JAZF1: variants seen among roughly 807,000 people sequenced by gnomAD.
JAZF1 encodes the protein JAZF zinc finger 1, also known as juxtaposed with another zinc finger protein 1.
Under a neutral mutation model 26.4 loss-of-function variants are expected in JAZF1, and 8 were observed. That is an observed-to-expected ratio of 0.30 (90% CI 0.18 to 0.55). The LOEUF (loss-of-function observed/expected upper bound fraction) is 0.55, where lower values mean the gene tolerates loss of function less well. Ranked by LOEUF, JAZF1 falls within the 20% of genes least tolerant of loss-of-function variation. The pLI is 0.94. For missense variants in JAZF1, 199 were observed against 322.0 expected, an observed-to-expected ratio of 0.62 and a Z score of 2.92; for synonymous variants, 126 against 122.3, an observed-to-expected ratio of 1.03 and a Z score of -0.20.
intron 1 of JAZF1, among the ~76,000 whole-genome samples, chr7:28,100,370 A>C (rs1784454449): frequency 6.6e-6 from 1 of 152,118 alleles, no homozygotes; most frequent in African/African-American, 2.4e-5. Flanking sequence ...AATCCAAATC[A>C]AAAAAGTTTT....
At chr7:28,038,663 C>A (rs775345560) in intron 1 of JAZF1, among the ~76,000 whole-genome samples, 36 of 152,160 alleles carry the variant, frequency 2.4e-4, no homozygotes, top group Non-Finnish European at 4.9e-4. Context: ...CATGCACACA[C>A]CCCATAACTC....
intron 1 of JAZF1, among the ~76,000 whole-genome samples, chr7:28,044,627 A>T (rs936887419): frequency 6.6e-6 from 1 of 152,192 alleles, no homozygotes; most frequent in African/African-American, 2.4e-5. Context: ...AGGAAAAAAA[A>T]ATCCCACAAA....
At chr7:28,015,531 T>G (rs868041108) in intron 1 of JAZF1, among the ~76,000 whole-genome samples, 4 of 152,214 alleles carry the variant, frequency 2.6e-5, no homozygotes, top group Non-Finnish European at 2.9e-5. Context: ...GAACAGATGC[T>G]CTGAGATACA....
intron 1 of JAZF1, among the ~76,000 whole-genome samples, chr7:27,996,305 G>A (rs1380705816): frequency 6.6e-6 from 1 of 152,208 alleles, no homozygotes; most frequent in Non-Finnish European, 1.5e-5. Context: ...CTATTCGCAG[G>A]CTGGGAGGTA....
In JAZF1 at chr7:28,139,386, G is replaced by T. The variant is rs113399513; in HGVS notation, c.115+41077C>A. 1.6e-3 allele frequency among the ~76,000 whole-genome samples: 244 copies of T among 152,288 alleles called. 2 individuals carry two copies. Among genetic ancestry groups the T allele is most frequent in the African/African-American group, 5.8e-3 (240 of 41,546 alleles). ...CAAAATGTATTTCATTTGGAAAAAG[G>T]GTCATTGCAGATATAATTAGTTAAG... On this transcript the variant is annotated intron_variant, in intron 1 of 4. Transcript: ENST00000283928.
At chr7:28,011,280 T>C (rs1782793690) in intron 1 of JAZF1, among the ~76,000 whole-genome samples, 1 of 152,236 alleles carries the variant, frequency 6.6e-6, no homozygotes, top group African/African-American at 2.4e-5. Flanking sequence ...TTATAGTCTC[T>C]TGAAAGTTTA....
At chr7:28,157,483 G>A (rs190068236) in intron 1 of JAZF1, among the ~76,000 whole-genome samples, 58 of 152,344 alleles carry the variant, frequency 3.8e-4, no homozygotes, top group Admixed American at 2.6e-4. Context: ...AATCTGAGTT[G>A]CAAATAATTT....
intron 2 of JAZF1, among the ~76,000 whole-genome samples, chr7:27,917,052 A>C (rs766058377): frequency 1.3e-5 from 2 of 152,246 alleles, no homozygotes; most frequent in Non-Finnish European, 2.9e-5. Context: ...CAGCCTGGGC[A>C]ACAGAGTGAG....
chr7:27,895,271 C>T lies in JAZF1; in HGVS notation c.334G>A (p.Val112Met), dbSNP rs368851837. ...GAGGAGGGGGTGATGGGTGGGGTCA[C>T]GGGGGGAGTAAGGCTTCCACTGCTG... The part of the protein sequence containing the change: ...RHSSGSLTPP[V>M]TPPITPSSSF... Residue 112 changes from valine to methionine, a missense_variant, in exon 3 of 5, where the codon GTG (valine) becomes ATG (methionine). This residue lies in a region of JAZF1 where 137 missense variants were observed against 184.8 expected (regional missense o/e 0.74). Coordinates refer to ENST00000283928, the MANE Select transcript of JAZF1 (RefSeq NM_175061.4). The T allele has an allele frequency of 2.5e-6, 4 of 1,608,092 alleles. No individual in the cohort carries two copies. Among genetic ancestry groups the T allele is most frequent in the African/African-American group, 1.3e-5 (1 of 74,592 alleles).
chr7:27,971,318 C>G (rs1785372290), intron 2 of JAZF1, among the ~76,000 whole-genome samples: 1 of 152,152 alleles, frequency 6.6e-6, no homozygotes. Context: ...TGAGTCCACG[C>G]TGGCTGAGGA....
intron 1 of JAZF1, among the ~76,000 whole-genome samples, chr7:28,136,994 C>T (rs529618472): frequency 1.3e-5 from 2 of 152,290 alleles, no homozygotes; most frequent in South Asian, 2.1e-4. Context: ...ATGCTTATGC[C>T]GTGCCAGACC....
At chr7:27,993,556 G>A (rs1020602299) in intron 1 of JAZF1, among the ~76,000 whole-genome samples, 2 of 152,180 alleles carry the variant, frequency 1.3e-5, no homozygotes, top group East Asian at 3.9e-4. Context: ...GTTCAACAAG[G>A]AAAGGTGTTT....
intron 1 of JAZF1, among the ~76,000 whole-genome samples, chr7:27,997,228 A>G (rs1293400084): frequency 6.6e-6 from 1 of 152,106 alleles, no homozygotes; most frequent in African/African-American, 2.4e-5. Flanking sequence ...CAAGTGAGGG[A>G]AGGTTCAGGC....
intron 1 of JAZF1, among the ~76,000 whole-genome samples, chr7:28,126,114 TA>T (rs1782689907): frequency 6.6e-6 from 1 of 152,176 alleles, no homozygotes; most frequent in South Asian, 2.1e-4. Flanking sequence ...AGGAAGGGGT[TA>T]GGGGTGGGAA....
In JAZF1 at chr7:27,990,291, G is replaced by C. The variant is rs184520345; in HGVS notation, c.188+1618C>G. On this transcript the variant is annotated intron_variant, in intron 2 of 4. Transcript: ENST00000283928. The stretch of plus-strand genomic sequence containing the variant: ...ACACACCAGAGCCTGTCGCGAGGTG[G>C]GGGGAGGTGAGAGGGATAGCATTAG... Among the ~76,000 whole-genome samples the C allele has an allele frequency of 1.5e-4, 23 of 152,248 alleles. 1 individual carries two copies. The South Asian group carries it at 3.3e-3, about 22-fold the overall frequency.
chr7:28,010,382 C>T (rs895448537), intron 1 of JAZF1, among the ~76,000 whole-genome samples: 6 of 152,198 alleles, frequency 3.9e-5, no homozygotes, highest in African/African-American at 1.4e-4. Flanking sequence ...ATCACCTCCC[C>T]TTCCCCTTCA....
intron 1 of JAZF1, among the ~76,000 whole-genome samples, chr7:28,039,055 A>G (rs1373900524): frequency 6.6e-6 from 1 of 152,208 alleles, no homozygotes; most frequent in Admixed American, 6.5e-5. Context: ...ATTAATAAAG[A>G]GTGGCAAATT....
At position 27,832,783 on chromosome 7, in the gene JAZF1, C is replaced by A; in HGVS notation, c.*17G>T. The A allele has an allele frequency of 6.9e-7, 1 of 1,458,244 alleles. No homozygotes were observed. Among genetic ancestry groups the A allele is most frequent in the Non-Finnish European group, 9.1e-7 (1 of 1,094,576 alleles). 90.3% of individuals were successfully genotyped at this position (1,458,244 alleles called of 1,614,324 possible). A position where few individuals can be genotyped will look rare whatever the true frequency, so the allele number is the denominator to read the frequency against. On this transcript the variant is annotated 3_prime_UTR_variant, in exon 5 of 5. Transcript: ENST00000283928. ...AACTGCTGGTGAGGATTTCTTGGCA[C>A]AGTTATGACCAGCATGTTATTGCTG...
chr7:27,929,630 C>T (rs1784653749), intron 2 of JAZF1, among the ~76,000 whole-genome samples: 2 of 152,118 alleles, frequency 1.3e-5, no homozygotes, highest in Admixed American at 1.3e-4. Context: ...TGACTTTGGG[C>T]AAAAGACTTA....
Sources: allele counts gnomAD v4.1 joint callset (sites outside exome capture counted in the v4.1 genomes callset), GRCh38; gene constraint gnomAD v4.1.1; regional missense constraint gnomAD v4.1.1; transcripts MANE v1.5; gene names NCBI Gene and HGNC (gene_info 2026-07-23, HGNC 2026-07-21).